FSTL5: variants seen among roughly 807,000 people sequenced by gnomAD.
FSTL5 encodes follistatin like 5, also known as follistatin-related protein 5.
In FSTL5, 62 loss-of-function variants were observed where a neutral mutation model predicts 89.1. The ratio of observed to expected loss-of-function variants is 0.70; its 90% CI spans 0.57 to 0.86. The LOEUF (loss-of-function observed/expected upper bound fraction) is 0.86, where lower values mean the gene tolerates loss of function less well. Ranked by LOEUF, FSTL5 falls within the 40% of genes least tolerant of loss-of-function variation. FSTL5 has a pLI of 0.00. For missense variants in FSTL5, 1,057 were observed against 1,001.6 expected (o/e 1.06, Z -0.75); for synonymous variants, 383 against 346.2 (o/e 1.11, Z -1.18).
At chr4:161,668,611 T>C (rs898924252) in intron 6 of FSTL5, among the ~76,000 whole-genome samples, 1 of 151,972 alleles carries the variant, frequency 6.6e-6, no homozygotes, top group Non-Finnish European at 1.5e-5. Flanking sequence ...ATGCAAAAAT[T>C]CTCAACAAAA....
intron 6 of FSTL5, among the ~76,000 whole-genome samples, chr4:161,724,758 T>A (rs773148105): frequency 6.6e-6 from 1 of 152,188 alleles, no homozygotes; most frequent in Non-Finnish European, 1.5e-5. Context: ...GCTTAGTCAT[T>A]TGGGCAAAGG....
chr4:161,510,367 G>A (rs779080838), intron 11 of FSTL5, 31 bp downstream of exon 11: 1 of 1,405,974 alleles, frequency 7.1e-7, no homozygotes, highest in East Asian at 2.5e-5. Context: ...AAGCAAAATT[G>A]TCACAACATA....
intron 6 of FSTL5, among the ~76,000 whole-genome samples, chr4:161,716,970 G>T (rs965459139): frequency 6.6e-6 from 1 of 152,262 alleles, no homozygotes; most frequent in East Asian, 1.9e-4. Context: ...AAAATGGCTT[G>T]AAAATTTTTA....
intron 4 of FSTL5, among the ~76,000 whole-genome samples, chr4:161,875,566 A>G (rs1258011576): frequency 6.6e-6 from 1 of 152,170 alleles, no homozygotes; most frequent in South Asian, 2.1e-4. Context: ...GAGATTCTGT[A>G]TCCGGGCCCT....
At chr4:162,001,972 T>C (rs1008797219) in intron 3 of FSTL5, among the ~76,000 whole-genome samples, 1 of 152,196 alleles carries the variant, frequency 6.6e-6, no homozygotes, top group Non-Finnish European at 1.5e-5. Flanking sequence ...CAAGGTAAGA[T>C]TGAACCTGTC....
At chr4:161,626,545 G>T (rs1000077431) in intron 7 of FSTL5, among the ~76,000 whole-genome samples, 1 of 152,144 alleles carries the variant, frequency 6.6e-6, no homozygotes. Flanking sequence ...TCATCCAGGA[G>T]CTCTGATGGA....
At chr4:161,744,255 A>T (rs759994250) in intron 6 of FSTL5, among the ~76,000 whole-genome samples, 3 of 152,092 alleles carry the variant, frequency 2.0e-5, no homozygotes, top group Non-Finnish European at 2.9e-5. Flanking sequence ...TAACTTAAGA[A>T]ATCTATCTGC....
chr4:162,153,247 C>A (rs1197781499), intron 1 of FSTL5, among the ~76,000 whole-genome samples: 1 of 151,928 alleles, frequency 6.6e-6, no homozygotes, highest in African/African-American at 2.4e-5. Flanking sequence ...AAAACATACC[C>A]TTTTTAGAAT....
In FSTL5 at chr4:161,994,430, T is replaced by C. The variant is rs543853096; in HGVS notation, c.160+39195A>G. On this transcript the variant is annotated intron_variant, in intron 3 of 15. Coordinates refer to ENST00000306100, the MANE Select transcript of FSTL5 (RefSeq NM_020116.5). The stretch of plus-strand genomic sequence containing the variant: ...GGATTGCTGGGTCGAATGGCAGTTC[T>C]GCTGTTAGCTTCTTGAGAAATCGCC... 9.8e-5 allele frequency among the ~76,000 whole-genome samples: 15 copies of C among 152,330 alleles called. No individual in the cohort carries two copies. In the South Asian group the frequency reaches 2.9e-3, roughly 29 times the overall value.
At chr4:161,767,259 T>C (rs1428315977) in intron 5 of FSTL5, among the ~76,000 whole-genome samples, 1 of 152,196 alleles carries the variant, frequency 6.6e-6, no homozygotes, top group Non-Finnish European at 1.5e-5. Context: ...TCCAGGTCTG[T>C]TTTAGTCATA....
chr4:162,070,762 G>T (rs1729585738), intron 2 of FSTL5, among the ~76,000 whole-genome samples: 1 of 151,706 alleles, frequency 6.6e-6, no homozygotes, highest in South Asian at 2.1e-4. Flanking sequence ...TGTTCTGAAA[G>T]AAAAAGAAAA....
intron 6 of FSTL5, among the ~76,000 whole-genome samples, chr4:161,755,013 A>C (rs976328494): frequency 6.6e-6 from 1 of 152,080 alleles, no homozygotes; most frequent in Non-Finnish European, 1.5e-5. Flanking sequence ...ACTCATGACA[A>C]CAAAATCCAG....
At chr4:162,067,565 A>G (rs1333519425) in intron 2 of FSTL5, among the ~76,000 whole-genome samples, 1 of 152,106 alleles carries the variant, frequency 6.6e-6, no homozygotes, top group African/African-American at 2.4e-5. Flanking sequence ...TCAAAATAAT[A>G]AGAGCCATTT....
chr4:161,414,235 A>C (rs950828322), intron 15 of FSTL5, among the ~76,000 whole-genome samples: 1 of 152,210 alleles, frequency 6.6e-6, no homozygotes, highest in African/African-American at 2.4e-5. Flanking sequence ...CTAACTCAAG[A>C]TAACACTGAT....
At chr4:161,958,615 T>A (rs1268475564) in intron 3 of FSTL5, among the ~76,000 whole-genome samples, 1 of 152,122 alleles carries the variant, frequency 6.6e-6, no homozygotes, top group Non-Finnish European at 1.5e-5. Context: ...AATCTTTTGC[T>A]TCTTGAATTA....
intron 2 of FSTL5, among the ~76,000 whole-genome samples, chr4:162,071,929 A>G (rs1425833981): frequency 6.6e-6 from 1 of 151,806 alleles, no homozygotes; most frequent in Non-Finnish European, 1.5e-5. Context: ...TTAATAGGAA[A>G]ATAAAAAATT....
chr4:161,553,398 A>G (rs1296712905), intron 8 of FSTL5, among the ~76,000 whole-genome samples: 1 of 151,394 alleles, frequency 6.6e-6, no homozygotes, highest in Non-Finnish European at 1.5e-5. Context: ...GTAAATATAT[A>G]TATTTTATTC....
intron 12 of FSTL5, among the ~76,000 whole-genome samples, chr4:161,481,632 T>C (rs1729513943): frequency 6.6e-6 from 1 of 152,222 alleles, no homozygotes. Context: ...AGGGTTCTTT[T>C]AATTTGTAAT....
At chr4:161,513,983 A>G (rs1730735694) in intron 10 of FSTL5, among the ~76,000 whole-genome samples, 1 of 152,164 alleles carries the variant, frequency 6.6e-6, no homozygotes, top group Non-Finnish European at 1.5e-5. Context: ...TGAACTTAAA[A>G]TTTTAACAAA....
Sources: allele counts gnomAD v4.1 joint callset (sites outside exome capture counted in the v4.1 genomes callset), GRCh38; gene constraint gnomAD v4.1.1; transcripts MANE v1.5; gene names NCBI Gene and HGNC (gene_info 2026-07-23, HGNC 2026-07-21).